The following PIK3C2G variants were observed in gnomAD, a reference collection of about 807,000 sequenced individuals.
PIK3C2G encodes phosphatidylinositol-4-phosphate 3-kinase catalytic subunit type 2 gamma, also known as phosphatidylinositol 3-kinase C2 domain-containing subunit gamma.
PIK3C2G carries 168 observed loss-of-function variants against 181.1 expected under a neutral mutation model. The ratio of observed to expected loss-of-function variants is 0.93; its 90% confidence interval spans 0.82 to 1.05. The LOEUF is 1.05. PIK3C2G is among the 50% of genes least tolerant of loss of function. The pLI is 0.00. For synonymous variants in PIK3C2G, 573 were observed against 592.2 expected (o/e 0.97, Z 0.47); for missense variants, 1,869 against 1,732.8 (o/e 1.08, Z -1.40).
chr12:18,532,580 T>A (rs1169219573), intron 24 of PIK3C2G, among the ~76,000 whole-genome samples: 1 of 152,198 alleles, frequency 6.6e-6, no homozygotes, highest in Non-Finnish European at 1.5e-5. Context: ...GGCTAACCTG[T>A]CTTCACTGAA....
At chr12:18,574,601 G>A (rs1018552278) in intron 29 of PIK3C2G, among the ~76,000 whole-genome samples, 2 of 152,054 alleles carry the variant, frequency 1.3e-5, no homozygotes, top group Admixed American at 1.3e-4. Flanking sequence ...TCCTAGACTC[G>A]ACTCTGCAGT....
chr12:18,460,569 G>T (rs900057911), intron 18 of PIK3C2G, among the ~76,000 whole-genome samples: 2 of 147,820 alleles, frequency 1.4e-5, no homozygotes, highest in Non-Finnish European at 3.0e-5. Flanking sequence ...GCAAGACTCC[G>T]TCTCAAAAAA....
intron 29 of PIK3C2G, among the ~76,000 whole-genome samples, chr12:18,591,275 T>A (rs754238989): frequency 2.6e-5 from 4 of 151,932 alleles, no homozygotes; most frequent in Non-Finnish European, 5.9e-5. Context: ...CAATGATGCA[T>A]AAACTGCTGT....
chr12:18,257,845 AAGAG>A (rs1948163377), upstream of PIK3C2G, among the ~76,000 whole-genome samples: 1 of 113,970 alleles, frequency 8.8e-6, no homozygotes, highest in Non-Finnish European at 1.9e-5. Flanking sequence ...AAGGAAAAGA[AAGAG>A]AAAGAAAGAA....
chr12:18,657,464 T>C, the PIK3C2G span, among the ~76,000 whole-genome samples: 1 of 152,132 alleles, frequency 6.6e-6, no homozygotes, highest in Non-Finnish European at 1.5e-5. Flanking sequence ...AGCTGAAGTG[T>C]TGAAGGCATG....
intron 1 of PIK3C2G, among the ~76,000 whole-genome samples, chr12:18,281,753 C>T (rs1449529327): frequency 6.6e-6 from 1 of 151,964 alleles, no homozygotes; most frequent in Non-Finnish European, 1.5e-5. Context: ...ACTCATGAAA[C>T]TTTCATTAAA....
At chr12:18,657,490 A>G in the PIK3C2G span, among the ~76,000 whole-genome samples, 6 of 152,186 alleles carry the variant, frequency 3.9e-5, no homozygotes, top group African/African-American at 1.4e-4. Context: ...ACATTCACAT[A>G]GAGCCCATAT....
intron 12 of PIK3C2G, among the ~76,000 whole-genome samples, chr12:18,364,352 C>A (rs1376518827): frequency 1.4e-4 from 21 of 152,168 alleles, no homozygotes; most frequent in African/African-American, 4.8e-4. Context: ...CATCTTTTAC[C>A]TCCTGTATAA....
At chr12:18,666,216 G>C in the PIK3C2G span, among the ~76,000 whole-genome samples, 1 of 151,700 alleles carries the variant, frequency 6.6e-6, no homozygotes, top group Non-Finnish European at 1.5e-5. Context: ...AAAACAAAGA[G>C]AAAATTGGCA....
chr12:18,381,075 T>C (rs1168620957), intron 13 of PIK3C2G, among the ~76,000 whole-genome samples: 1 of 152,194 alleles, frequency 6.6e-6, no homozygotes, highest in Non-Finnish European at 1.5e-5. Context: ...TTAATTCACA[T>C]AAGGATCTGT....
chr12:18,274,092 A>T lies in PIK3C2G; in HGVS notation c.-78-7912A>T, dbSNP rs921248798. On this transcript the variant is annotated intron_variant, in intron 1 of 32. Transcript: ENST00000538779. ...GGCCATCAGAGAAATGCAAATCAAA[A>T]CCACAATGAGATACCACCTCACACC... 3.2e-4 allele frequency among the ~76,000 whole-genome samples: 48 copies of T among 152,302 alleles called. 2 individuals carry two copies. The highest frequency in any genetic ancestry group is 1.1e-3 in the African/African-American group (47 of 41,570).
intron 18 of PIK3C2G, among the ~76,000 whole-genome samples, chr12:18,473,567 A>G (rs1224611450): frequency 6.6e-6 from 1 of 152,160 alleles, no homozygotes; most frequent in Non-Finnish European, 1.5e-5. Context: ...TCAAGTAGAA[A>G]TAATGTATCT....
chr12:18,394,791 G>C (rs1943754453), intron 15 of PIK3C2G, among the ~76,000 whole-genome samples: 1 of 151,702 alleles, frequency 6.6e-6, no homozygotes, highest in Non-Finnish European at 1.5e-5. Context: ...AATAATGAGA[G>C]CGCCTTGTAA....
At chr12:18,464,877 TA>T (rs1306302693) in intron 18 of PIK3C2G, among the ~76,000 whole-genome samples, 1 of 152,044 alleles carries the variant, frequency 6.6e-6, no homozygotes, top group Non-Finnish European at 1.5e-5. Context: ...TGAGTACTGA[TA>T]TTTTTGGATT....
intron 18 of PIK3C2G, among the ~76,000 whole-genome samples, chr12:18,437,757 T>C (rs1946525233): frequency 6.6e-6 from 1 of 151,952 alleles, no homozygotes; most frequent in African/African-American, 2.4e-5. Flanking sequence ...TTGACATAAA[T>C]TGATTGATGA....
chr12:18,332,693 C>CT (rs1159733742), intron 8 of PIK3C2G, among the ~76,000 whole-genome samples: 1 of 152,090 alleles, frequency 6.6e-6, no homozygotes, highest in African/African-American at 2.4e-5. Context: ...GACTATTTTG[C>CT]TTTTTACTTC....
At chr12:18,280,445 A>C (rs1949163748) in intron 1 of PIK3C2G, among the ~76,000 whole-genome samples, 1 of 152,052 alleles carries the variant, frequency 6.6e-6, no homozygotes. Flanking sequence ...AATGATGAAA[A>C]AGAATTAGCA....
In PIK3C2G at chr12:18,360,257, C is replaced by T. The variant is rs942046175; in HGVS notation, c.1626-2507C>T. ...CTTTTAACTAAAATTCAATCACATA[C>T]GAAAACTCTGTACTTCTATTTCTCC... On this transcript the variant is annotated intron_variant, in intron 11 of 32. Coordinates refer to ENST00000538779, the MANE Select transcript of PIK3C2G (RefSeq NM_001288772.2). Among the ~76,000 whole-genome samples, 7 of 151,978 alleles carry T rather than the reference C, an allele frequency of 4.6e-5. No homozygotes were observed. In the South Asian group the frequency reaches 6.2e-4, roughly 14 times the overall value.
intron 24 of PIK3C2G, among the ~76,000 whole-genome samples, chr12:18,507,660 G>C (rs937743819): frequency 2.0e-5 from 3 of 152,016 alleles, no homozygotes; most frequent in African/African-American, 7.2e-5. Flanking sequence ...CAAAGATTCA[G>C]TTTGGACATC....
Sources: gnomAD v4.1 joint callset for allele counts (sites outside exome capture counted in the v4.1 genomes callset) on GRCh38, gnomAD v4.1.1 for gene constraint, MANE v1.5 for transcripts, NCBI Gene and HGNC (gene_info 2026-07-23, HGNC 2026-07-21) for gene names.